Variants in BICD1 observed in about 807,000 individuals in gnomAD.
BICD1 encodes protein bicaudal D homolog 1.
In BICD1, 35 loss-of-function variants were observed where a neutral mutation model predicts 92.5. That is an observed-to-expected ratio of 0.38 (90% CI 0.29 to 0.50). BICD1 has a LOEUF of 0.50. BICD1 is among the 20% of genes least tolerant of loss of function. The probability of loss-of-function intolerance (pLI) is 0.93; values close to 1 mark genes in which losing one functional copy is unlikely to be tolerated. For synonymous variants in BICD1, 429 were observed against 465.1 expected (o/e 0.92, Z 1.00); for missense variants, 950 against 1,189.8 (o/e 0.80, Z 2.97).
At chr12:32,325,357 C>G (rs1038135937) in intron 4 of BICD1, among the ~76,000 whole-genome samples, 1 of 152,090 alleles carries the variant, frequency 6.6e-6, no homozygotes, top group Non-Finnish European at 1.5e-5. Flanking sequence ...TGTCATTGGC[C>G]GTTGGTCATG....
At chr12:32,198,825 C>T (rs1944815243) in intron 1 of BICD1, among the ~76,000 whole-genome samples, 1 of 152,094 alleles carries the variant, frequency 6.6e-6, no homozygotes, top group Non-Finnish European at 1.5e-5. Flanking sequence ...AGATTTAAGC[C>T]CTGGTTTCAG....
At chr12:32,293,615 C>T (rs1300073035) in intron 2 of BICD1, among the ~76,000 whole-genome samples, 1 of 152,110 alleles carries the variant, frequency 6.6e-6, no homozygotes, top group Non-Finnish European at 1.5e-5. Context: ...CAGGTGTGAG[C>T]CACAGCGCCC....
chr12:32,334,695 GT>G, intron 6 of BICD1, 28 bp downstream of exon 6: 1 of 1,593,942 alleles, frequency 6.3e-7, no homozygotes, highest in African/African-American at 1.3e-5. Context: ...CTATGACTGG[GT>G]GTGGTAGGTG....
intron 2 of BICD1, among the ~76,000 whole-genome samples, chr12:32,252,873 T>G (rs1279900802): frequency 6.6e-6 from 1 of 152,170 alleles, no homozygotes; most frequent in Non-Finnish European, 1.5e-5. Context: ...TTTCTTTCGT[T>G]TTTTGTTTCT....
chr12:32,224,882 A>G (rs2121575999), intron 2 of BICD1, among the ~76,000 whole-genome samples: 2 of 152,242 alleles, frequency 1.3e-5, no homozygotes, highest in Admixed American at 1.3e-4. Flanking sequence ...TTGTATTTTT[A>G]ATAGAGACGG....
At chr12:32,170,539 C>T (rs1488316150) in intron 1 of BICD1, among the ~76,000 whole-genome samples, 4 of 152,136 alleles carry the variant, frequency 2.6e-5, no homozygotes, top group Admixed American at 6.6e-5. Flanking sequence ...TTGTAGTTAG[C>T]GTATTAGAAG....
rs1034785834 is a variant in BICD1, at chr12:32,273,379, C to T, written c.427-20615C>T. Among the ~76,000 whole-genome samples the T allele has an allele frequency of 6.6e-5, 10 of 152,132 alleles. No individual in the cohort carries two copies. The South Asian group carries it at 1.7e-3, about 25-fold the overall frequency. On this transcript the variant is annotated intron_variant, in intron 2 of 9. Transcript: ENST00000652176. ...GTATAAACTGGAGGATAAGGTACAG[C>T]GGGAGAAAGCAAGTACCAGCAGACA...
chr12:32,236,263 C>T (rs138878267), intron 2 of BICD1, among the ~76,000 whole-genome samples: 7,821 of 151,676 alleles, frequency 0.052, 228 homozygotes, highest in Middle Eastern at 0.11. Flanking sequence ...GGTGTGGTGA[C>T]GCACACCTGT....
At chr12:32,214,357 A>G (rs1945295602) in intron 1 of BICD1, among the ~76,000 whole-genome samples, 1 of 152,184 alleles carries the variant, frequency 6.6e-6, no homozygotes, top group Non-Finnish European at 1.5e-5. Context: ...CTCTCAGCTT[A>G]CAGTGCTAGG....
chr12:32,253,738 T>C (rs879855508), intron 2 of BICD1, among the ~76,000 whole-genome samples: 19 of 152,348 alleles, frequency 1.2e-4, no homozygotes, highest in Admixed American at 1.1e-3. Flanking sequence ...ATACAAGCTC[T>C]TGTGGACTGG....
At chr12:32,345,784 A>G (rs536743465) in intron 8 of BICD1, among the ~76,000 whole-genome samples, 186 of 152,384 alleles carry the variant, frequency 1.2e-3, no homozygotes, top group Non-Finnish European at 2.3e-3. Flanking sequence ...ATTCAGAACT[A>G]TTCAATAGAA....
chr12:32,339,097 T>C (rs1056520280), intron 8 of BICD1, 118 bp downstream of exon 8: 18 of 1,361,318 alleles, frequency 1.3e-5, no homozygotes, highest in Admixed American at 4.0e-5. Context: ...GATGTGTAAA[T>C]TCCTATAAGT....
chr12:32,276,888 G>A (rs1947288684), intron 2 of BICD1, among the ~76,000 whole-genome samples: 1 of 152,124 alleles, frequency 6.6e-6, no homozygotes, highest in South Asian at 2.1e-4. Context: ...AGCATAGTAA[G>A]CAATAGGTAA....
intron 1 of BICD1, among the ~76,000 whole-genome samples, chr12:32,114,382 T>C (rs1020758360): frequency 6.6e-6 from 1 of 152,004 alleles, no homozygotes; most frequent in African/African-American, 2.4e-5. Flanking sequence ...TCCTCAACTT[T>C]CTTTTTTTTC....
intron 2 of BICD1, among the ~76,000 whole-genome samples, chr12:32,243,111 T>A (rs1946278456): frequency 1.3e-5 from 2 of 151,890 alleles, no homozygotes; most frequent in Non-Finnish European, 2.9e-5. Context: ...TTTTCTTTTT[T>A]TTTTTGAGAC....
At chr12:32,266,484 AT>A (rs1292527401) in intron 2 of BICD1, among the ~76,000 whole-genome samples, 9 of 152,154 alleles carry the variant, frequency 5.9e-5, no homozygotes, top group Non-Finnish European at 4.4e-5. Context: ...CTGCCACAAC[AT>A]CATCTAAAAG....
At chr12:32,278,405 T>C (rs1947329716) in intron 2 of BICD1, among the ~76,000 whole-genome samples, 1 of 152,212 alleles carries the variant, frequency 6.6e-6, no homozygotes, top group Admixed American at 6.5e-5. Context: ...ATAACCAATC[T>C]ACTTTGGGAA....
chr12:32,374,555 T>C (rs1939856538), intron 9 of BICD1, among the ~76,000 whole-genome samples: 1 of 145,378 alleles, frequency 6.9e-6, no homozygotes, highest in Non-Finnish European at 1.5e-5. Flanking sequence ...TTAAATATTT[T>C]CTTTTCTTTC....
chr12:32,340,506 T>C (rs1158727257), intron 8 of BICD1: 1 of 976,206 alleles, frequency 1.0e-6, no homozygotes, highest in Admixed American at 6.2e-5. Flanking sequence ...TACTGGAACT[T>C]AGAAAAGAAA....
Sources: allele counts gnomAD v4.1 joint callset (sites outside exome capture counted in the v4.1 genomes callset), GRCh38; gene constraint gnomAD v4.1.1; transcripts MANE v1.5; gene names NCBI Gene and HGNC (gene_info 2026-07-23, HGNC 2026-07-21).